The following LUZP2 variants were observed in gnomAD, a reference collection of about 807,000 sequenced individuals.
LUZP2 encodes leucine zipper protein 2.
In LUZP2, 52 loss-of-function variants were observed where a neutral mutation model predicts 51.6. The ratio of observed to expected loss-of-function variants is 1.01; its 90% CI spans 0.81 to 1.27. The LOEUF (loss-of-function observed/expected upper bound fraction) is 1.27. LUZP2 is among the 50% of genes most tolerant of loss of function. The pLI is 0.00. For missense variants in LUZP2, 436 were observed against 395.4 expected (o/e 1.10, Z -0.87); for synonymous variants, 154 against 137.3 (o/e 1.12, Z -0.85).
intron 1 of LUZP2, among the ~76,000 whole-genome samples, chr11:24,524,283 C>T (rs576963884): frequency 2.4e-4 from 36 of 151,692 alleles, no homozygotes; most frequent in Non-Finnish European, 4.9e-4. Context: ...TTGCACTGGT[C>T]ATCTGAAGGT....
At chr11:24,784,080 G>T (rs1490020025) in intron 5 of LUZP2, among the ~76,000 whole-genome samples, 2 of 151,862 alleles carry the variant, frequency 1.3e-5, no homozygotes, top group Non-Finnish European at 2.9e-5. Flanking sequence ...GACTATTGAT[G>T]CATCCCTTCA....
At chr11:24,895,895 G>C (rs1384912901) in intron 5 of LUZP2, among the ~76,000 whole-genome samples, 1 of 152,208 alleles carries the variant, frequency 6.6e-6, no homozygotes, top group Non-Finnish European at 1.5e-5. Context: ...TCCCTTTTAA[G>C]TTCTTTGAGA....
intron 7 of LUZP2, among the ~76,000 whole-genome samples, chr11:24,959,381 C>A (rs1855322840): frequency 1.3e-5 from 2 of 152,120 alleles, no homozygotes; most frequent in South Asian, 2.1e-4. Context: ...TACTTCCTAC[C>A]CATGAGCATG....
chr11:24,792,675 A>AT (rs1347328508), intron 5 of LUZP2, among the ~76,000 whole-genome samples: 1 of 152,178 alleles, frequency 6.6e-6, no homozygotes, highest in African/African-American at 2.4e-5. Flanking sequence ...GGGAAGCTTC[A>AT]TTGGGATTTA....
rs12284755 is a variant in LUZP2, at chr11:24,905,744, C to G, written c.397-247C>G. On this transcript the variant is annotated intron_variant, in intron 5 of 11. Coordinates refer to ENST00000336930, the MANE Select transcript of LUZP2 (RefSeq NM_001009909.4). The stretch of plus-strand genomic sequence containing the variant: ...AATCATATCAATTATCTTTTCTCCC[C>G]ACAATAGAATAAAACTAGAAATTAC... Among the ~76,000 whole-genome samples, 573 of 152,070 alleles carry G rather than the reference C, an allele frequency of 3.8e-3. 3 individuals carry two copies. Among genetic ancestry groups the G allele is most frequent in the African/African-American group, 0.013 (550 of 41,484 alleles).
rs1022318510 is a variant in LUZP2, at chr11:25,080,286, G to A, written c.*1628G>A. The A allele has an allele frequency of 5.3e-5, 8 of 152,106 alleles. No individual in the cohort carries two copies. The highest frequency in any genetic ancestry group is 1.9e-4 in the African/African-American group (8 of 41,418). The allele number at this position is 152,106 out of a possible 1,614,324, so 9.4% of individuals were successfully genotyped here. ...AAATAGGGTTTGTGTTAGACAATTT[G>A]CCCAACTGTAGGATGAGGTATATGT... On this transcript the variant is annotated 3_prime_UTR_variant, in exon 12 of 12. Coordinates refer to ENST00000336930, the MANE Select transcript of LUZP2 (RefSeq NM_001009909.4).
chr11:24,950,978 C>T (rs1855062000), intron 7 of LUZP2, among the ~76,000 whole-genome samples: 2 of 151,296 alleles, frequency 1.3e-5, no homozygotes, highest in African/African-American at 2.4e-5. Context: ...AGCAGAAACC[C>T]CCAATTTGTC....
chr11:24,982,475 G>A (rs1412742207), intron 8 of LUZP2, among the ~76,000 whole-genome samples: 1 of 151,840 alleles, frequency 6.6e-6, no homozygotes, highest in Non-Finnish European at 1.5e-5. Flanking sequence ...GGATGGAGCT[G>A]GAGTCTATTA....
chr11:25,004,263 C>G (rs774566847), intron 9 of LUZP2, among the ~76,000 whole-genome samples: 2 of 152,156 alleles, frequency 1.3e-5, no homozygotes, highest in Non-Finnish European at 2.9e-5. Flanking sequence ...TGGCTTGTTT[C>G]TCACTGGACA....
intron 1 of LUZP2, among the ~76,000 whole-genome samples, chr11:24,604,817 T>A (rs901065694): frequency 6.6e-6 from 1 of 151,870 alleles, no homozygotes; most frequent in Non-Finnish European, 1.5e-5. Flanking sequence ...GCACTAATAT[T>A]TAGATAGATA....
At chr11:24,556,023 G>T (rs1851859308) in intron 1 of LUZP2, among the ~76,000 whole-genome samples, 1 of 152,042 alleles carries the variant, frequency 6.6e-6, no homozygotes, top group Non-Finnish European at 1.5e-5. Context: ...ACCCCCTTTT[G>T]ATCCTGCTTT....
intron 8 of LUZP2, among the ~76,000 whole-genome samples, chr11:24,978,464 T>G (rs1430946863): frequency 6.6e-6 from 1 of 151,734 alleles, no homozygotes; most frequent in Non-Finnish European, 1.5e-5. Flanking sequence ...TGAAGCAGTC[T>G]GGTCTTCTCT....
intron 6 of LUZP2, among the ~76,000 whole-genome samples, chr11:24,907,579 G>A (rs575795915): frequency 6.6e-6 from 1 of 152,164 alleles, no homozygotes; most frequent in African/African-American, 2.4e-5. Flanking sequence ...AATGTGGTTT[G>A]TGCAGGTTGT....
intron 10 of LUZP2, among the ~76,000 whole-genome samples, chr11:25,053,435 A>T (rs910654792): frequency 6.6e-6 from 1 of 152,134 alleles, no homozygotes; most frequent in South Asian, 2.1e-4. Flanking sequence ...ATACCATAAA[A>T]ATTCACCCAT....
chr11:24,590,316 G>A (rs752277507), intron 1 of LUZP2, among the ~76,000 whole-genome samples: 25 of 151,852 alleles, frequency 1.6e-4, no homozygotes, highest in African/African-American at 4.1e-4. Context: ...ACATATTTAC[G>A]GAGTACAATT....
intron 7 of LUZP2, among the ~76,000 whole-genome samples, chr11:24,916,465 C>A (rs1203486972): frequency 1.3e-5 from 2 of 151,910 alleles, no homozygotes; most frequent in East Asian, 3.9e-4. Context: ...GGTGTATTTC[C>A]TAATGCTATC....
At chr11:24,808,989 T>C (rs1184882417) in intron 5 of LUZP2, among the ~76,000 whole-genome samples, 2 of 152,132 alleles carry the variant, frequency 1.3e-5, no homozygotes, top group African/African-American at 4.8e-5. Flanking sequence ...AATTTTCTTT[T>C]GGAAGATAGG....
chr11:24,798,686 T>G (rs1013231035), intron 5 of LUZP2, among the ~76,000 whole-genome samples: 1 of 152,160 alleles, frequency 6.6e-6, no homozygotes, highest in Non-Finnish European at 1.5e-5. Context: ...AGACTAGGAC[T>G]GTCTATCTTG....
intron 1 of LUZP2, among the ~76,000 whole-genome samples, chr11:24,553,043 C>T (rs946392535): frequency 2.0e-5 from 3 of 151,436 alleles, no homozygotes; most frequent in African/African-American, 2.4e-5. Context: ...CATACACATA[C>T]TGTAGACCTT....
Sources: allele counts gnomAD v4.1 joint callset (sites outside exome capture counted in the v4.1 genomes callset), GRCh38; gene constraint gnomAD v4.1.1; transcripts MANE v1.5; gene names NCBI Gene and HGNC (gene_info 2026-07-23, HGNC 2026-07-21).